The following KYAT3 variants were observed in gnomAD, a reference collection of about 807,000 sequenced individuals.
KYAT3 encodes kynurenine--oxoglutarate transaminase 3.
KYAT3 carries 50 observed loss-of-function variants against 59.0 expected under a neutral mutation model. That is an observed-to-expected ratio of 0.85 (90% CI 0.68 to 1.07). The LOEUF (loss-of-function observed/expected upper bound fraction) is 1.07, where lower values mean the gene tolerates loss of function less well. Among genes scored for constraint, KYAT3 ranks in the 50% least tolerant of loss-of-function variants. The pLI, the probability that KYAT3 is intolerant of heterozygous loss-of-function variation, is 0.00. For synonymous variants in KYAT3, 148 were observed against 177.0 expected (o/e 0.84, Z 1.30); for missense variants, 497 against 533.3 (o/e 0.93, Z 0.67).
At chr1:88,982,817 C>T (rs754134807) in intron 2 of KYAT3, 5 of 1,613,990 alleles carry the variant, frequency 3.1e-6, no homozygotes, top group Non-Finnish European at 2.5e-6. Context: ...CCTGTCACAA[C>T]TTGAGTAGAG....
chr1:88,932,612 T>A (rs962412095), downstream of KYAT3, among the ~76,000 whole-genome samples: 2 of 151,988 alleles, frequency 1.3e-5, no homozygotes, highest in African/African-American at 4.8e-5. Flanking sequence ...TCCCCCTCAG[T>A]CTCCCAAGTA....
chr1:88,982,211 G>A (rs1466354700), intron 2 of KYAT3: 3 of 775,914 alleles, frequency 3.9e-6, no homozygotes, highest in East Asian at 1.2e-4. Context: ...AAAACACCCT[G>A]AAATCTTATG....
Position 88,953,137 on chromosome 1 carries a change from C to A in KYAT3, c.880G>T (p.Gly294Cys). 2 of 1,612,152 alleles carry A rather than the reference C, an allele frequency of 1.2e-6. No individual in the cohort carries two copies. The highest frequency in any genetic ancestry group is 1.7e-6 in the Non-Finnish European group (2 of 1,178,378). Residue 294 changes from glycine to cysteine, a missense_variant, in exon 10 of 14, where the codon GGT becomes TGT. Transcript: ENST00000260508. ...VTGWKLGWSI[G>C]PNHLIKHLQT... ...AAATGTTTTATCAAATGATTTGGACCAATGGACCAGCCAAGCTGGGAAAGG... is the reference window on the plus strand; with the variant it reads ...AAATGTTTTATCAAATGATTTGGACAAATGGACCAGCCAAGCTGGGAAAGG...
intron 8 of KYAT3, among the ~76,000 whole-genome samples, chr1:88,958,484 A>C (rs763973980): frequency 6.6e-6 from 1 of 151,970 alleles, no homozygotes; most frequent in Non-Finnish European, 1.5e-5. Context: ...CTTTTGCAAT[A>C]GTTCTCAAAG....
chr1:88,967,495 G>A (rs1282819074), intron 4 of KYAT3, among the ~76,000 whole-genome samples: 1 of 151,846 alleles, frequency 6.6e-6, no homozygotes, highest in Non-Finnish European at 1.5e-5. Context: ...TTAAATACTT[G>A]ATAGAATTCA....
At chr1:88,989,677 G>A (rs2101103624) in intron 1 of KYAT3, among the ~76,000 whole-genome samples, 1 of 152,250 alleles carries the variant, frequency 6.6e-6, no homozygotes, top group African/African-American at 2.4e-5. Context: ...CAGCTTCTGG[G>A]AGATTTCACC....
chr1:88,933,970 G>T (rs112252492), downstream of KYAT3, among the ~76,000 whole-genome samples: 2,242 of 152,296 alleles, frequency 0.015, 51 homozygotes, highest in African/African-American at 0.051. Flanking sequence ...TGGAGGGAAG[G>T]AAGGATGGAT....
At chr1:88,963,124 T>C (rs1676213072) in intron 5 of KYAT3, among the ~76,000 whole-genome samples, 1 of 152,024 alleles carries the variant, frequency 6.6e-6, no homozygotes, top group Non-Finnish European at 1.5e-5. Context: ...GGACATTAGA[T>C]AATTTCAGAT....
the KYAT3 span, among the ~76,000 whole-genome samples, chr1:88,924,565 G>A: frequency 0.024 from 3,585 of 152,290 alleles, 129 homozygotes; most frequent in African/African-American, 0.081. Flanking sequence ...TCGTATGAGA[G>A]CTCTGTTTTC....
chr1:88,959,275 C>T (rs1201796948), intron 8 of KYAT3, among the ~76,000 whole-genome samples: 2 of 146,816 alleles, frequency 1.4e-5, no homozygotes, highest in African/African-American at 2.6e-5. Context: ...GACCCTGTCT[C>T]TTAAAAAAAA....
chr1:88,929,349 G>A, the KYAT3 span, among the ~76,000 whole-genome samples: 1 of 152,144 alleles, frequency 6.6e-6, no homozygotes, highest in African/African-American at 2.4e-5. Context: ...CTTATACTCT[G>A]CTTTCCCAAA....
At chr1:88,986,709 C>T (rs568579956) in intron 2 of KYAT3, among the ~76,000 whole-genome samples, 16 of 152,074 alleles carry the variant, frequency 1.1e-4, no homozygotes, top group South Asian at 2.1e-4. Flanking sequence ...ATTCCCTTCC[C>T]GGCAGATTTT....
intron 11 of KYAT3, 131 bp downstream of exon 11, chr1:88,948,960 A>G (rs1675556906): frequency 1.5e-6 from 1 of 658,118 alleles, no homozygotes; most frequent in Non-Finnish European, 2.4e-6. Context: ...AAATGTAGAC[A>G]TTGCAAAAAT....
intron 9 of KYAT3, 94 bp downstream of exon 9, chr1:88,955,055 C>A: frequency 1.2e-6 from 1 of 822,798 alleles, no homozygotes; most frequent in East Asian, 2.7e-5. Context: ...CATGAGCCAC[C>A]ATGCCTGGCC....
chr1:88,973,270 C>T (rs1013717963), intron 2 of KYAT3, among the ~76,000 whole-genome samples: 2 of 152,188 alleles, frequency 1.3e-5, no homozygotes, highest in African/African-American at 4.8e-5. Context: ...GCCTCCCAAA[C>T]AATGAGGGAA....
rs762397805 is a variant in KYAT3 at position 88,969,408 on chromosome 1, C to T, written c.158+1G>A. The T allele has an allele frequency of 6.5e-7, 1 of 1,538,430 alleles. No individual in the cohort carries two copies. The highest frequency in any genetic ancestry group is 1.7e-5 in the Admixed American group (1 of 58,892). On this transcript the variant is annotated splice_donor_variant, in intron 3 of 13. Coordinates refer to ENST00000260508, the MANE Select transcript of KYAT3 (RefSeq NM_001008661.3). LOFTEE classifies it high-confidence loss of function. ...ATTATTATTTATTTTAAGATACTCA[C>T]CACACATTACTATCAAGTCCTTCAA...
At chr1:88,940,321 C>T (rs1408340742) in intron 13 of KYAT3, among the ~76,000 whole-genome samples, 1 of 152,118 alleles carries the variant, frequency 6.6e-6, no homozygotes, top group Non-Finnish European at 1.5e-5. Context: ...ATCCTCCTGC[C>T]TCGGCCTCCC....
chr1:88,950,345 C>T (rs375292392), intron 10 of KYAT3, among the ~76,000 whole-genome samples: 2 of 152,134 alleles, frequency 1.3e-5, no homozygotes, highest in African/African-American at 4.8e-5. Flanking sequence ...TCCAGTACTA[C>T]AAAATCTTGG....
chr1:88,991,792 G>T (rs1677808971), intron 1 of KYAT3, among the ~76,000 whole-genome samples: 1 of 152,226 alleles, frequency 6.6e-6, no homozygotes, highest in Non-Finnish European at 1.5e-5. Context: ...AGTCAGACTT[G>T]CTAAGGGCTG....
Sources: allele counts gnomAD v4.1 joint callset (sites outside exome capture counted in the v4.1 genomes callset), GRCh38; gene constraint gnomAD v4.1.1; transcripts MANE v1.5; gene names NCBI Gene and HGNC (gene_info 2026-07-23, HGNC 2026-07-21).